Variants in ADAMTS2 observed in about 807,000 individuals in gnomAD.
ADAMTS2 encodes ADAM metallopeptidase with thrombospondin type 1 motif 2, also known as A disintegrin and metalloproteinase with thrombospondin motifs 2.
ADAMTS2 carries 50 observed loss-of-function variants against 123.0 expected under a neutral mutation model. The ratio of observed to expected loss-of-function variants is 0.41; its 90% CI spans 0.32 to 0.51. The LOEUF is 0.51. Ranked by LOEUF, ADAMTS2 falls within the 20% of genes least tolerant of loss-of-function variation. ADAMTS2 has a pLI of 0.35. For synonymous variants in ADAMTS2, 678 were observed against 695.4 expected, an observed-to-expected ratio of 0.98 and a Z score of 0.39; for missense variants, 1,494 against 1,705.2, an observed-to-expected ratio of 0.88 and a Z score of 2.18.
chr5:179,257,451 T>C (rs1183221755), intron 3 of ADAMTS2, among the ~76,000 whole-genome samples: 1 of 152,078 alleles, frequency 6.6e-6, no homozygotes, highest in African/African-American at 2.4e-5. Context: ...CGGGGGTCTG[T>C]CCGCCCAGCC....
intron 5 of ADAMTS2, among the ~76,000 whole-genome samples, chr5:179,179,185 G>C (rs983810664): frequency 6.6e-6 from 1 of 151,628 alleles, no homozygotes; most frequent in Admixed American, 6.6e-5. Context: ...GACCTCAAGT[G>C]ATCTACCCAC....
At chr5:179,154,316 G>A in intron 7 of ADAMTS2, 124 bp from the exon 8 acceptor site, 2 of 1,387,368 alleles carry the variant, frequency 1.4e-6, no homozygotes, top group East Asian at 2.5e-5. Flanking sequence ...GGCCCACTCT[G>A]AGCCGGGTGG....
chr5:179,334,067 T>C (rs1335038643), intron 2 of ADAMTS2, among the ~76,000 whole-genome samples: 6 of 151,976 alleles, frequency 3.9e-5, no homozygotes, highest in African/African-American at 4.8e-5. Context: ...AATGGAGGGA[T>C]TGCTCCAGAG....
intron 4 of ADAMTS2, among the ~76,000 whole-genome samples, chr5:179,187,325 CG>C (rs1764195323): frequency 2.0e-5 from 3 of 152,206 alleles, no homozygotes; most frequent in African/African-American, 7.2e-5. Context: ...TGAGTCTTCT[CG>C]GGCTGCCCTG....
chr5:179,169,601 G>T (rs573176992), intron 5 of ADAMTS2, among the ~76,000 whole-genome samples: 1 of 152,164 alleles, frequency 6.6e-6, no homozygotes, highest in African/African-American at 2.4e-5. Context: ...CTGGGGTGAG[G>T]CATGGGGTGT....
At position 179,128,054 on chromosome 5, in the gene ADAMTS2, A is replaced by G. The variant is rs1403760293; in HGVS notation, c.2522T>C (p.Leu841Pro). Residue 841 changes from leucine to proline, a missense_variant, in exon 17 of 22, where the codon CTG (leucine) becomes CCG (proline). By Grantham distance (98) the Leu-to-Pro change is moderately conservative. Around this residue, in one of 6 missense-constraint regions of ADAMTS2, gnomAD observed 953 missense variants for 1,124.7 expected, o/e 0.85. Transcript: ENST00000251582. This position sits in a 1 kb window ranked among gnomAD's most constrained non-coding sequence, Gnocchi z 4.9. The part of the protein sequence containing the change: ...TYKYMIHEDS[L>P]NVDDNNVLEE... ...CAGGACGTTGTTGTCGTCGACATTC[A>G]GTGAGTCCTCATGGATCATGTATTT... The G allele has an allele frequency of 6.2e-7, 1 of 1,614,038 alleles. No homozygotes were observed. The highest frequency in any genetic ancestry group is 1.7e-5 in the Admixed American group (1 of 60,020).
intron 2 of ADAMTS2, among the ~76,000 whole-genome samples, chr5:179,309,718 T>C (rs991739683): frequency 3.0e-5 from 4 of 135,114 alleles, no homozygotes; most frequent in Non-Finnish European, 6.1e-5. Context: ...GATCATGCCA[T>C]TGTACTCCAG....
chr5:179,332,448 C>T lies in ADAMTS2; in HGVS notation c.534+11319G>A, dbSNP rs1723903973. Among the ~76,000 whole-genome samples the T allele has an allele frequency of 6.6e-6, 1 of 152,208 alleles. No individual in the cohort carries two copies. The highest frequency in any genetic ancestry group is 1.5e-5 in the Non-Finnish European group (1 of 68,048). On this transcript the variant is annotated intron_variant, in intron 2 of 21. Transcript: ENST00000251582. This position sits in a 1 kb window ranked among gnomAD's most constrained non-coding sequence, Gnocchi z 4.2. ...ATATCAGGAACAAGGGGACTCAGAC[C>T]AAATCTGATAATAAAAGGTGTTTCT...
At chr5:179,114,364 T>C in intron 21 of ADAMTS2, 40 bp from the exon 22 acceptor site, 1 of 1,584,478 alleles carries the variant, frequency 6.3e-7, no homozygotes, top group Non-Finnish European at 8.6e-7. Context: ...AAGGACAAGA[T>C]AAGGGGGACT....
intron 2 of ADAMTS2, among the ~76,000 whole-genome samples, chr5:179,310,100 A>C (rs1473546643): frequency 6.6e-6 from 1 of 152,186 alleles, no homozygotes; most frequent in African/African-American, 2.4e-5. Context: ...CCTGTCACCC[A>C]GGACCCTCCA....
chr5:179,157,932 T>C (rs1224634571), intron 6 of ADAMTS2, among the ~76,000 whole-genome samples: 1 of 152,134 alleles, frequency 6.6e-6, no homozygotes, highest in East Asian at 1.9e-4. Flanking sequence ...TTTATCAGTT[T>C]TTTCCATTGA....
intron 21 of ADAMTS2, among the ~76,000 whole-genome samples, chr5:179,116,332 T>TA (rs1446423298): frequency 1.5e-5 from 2 of 132,744 alleles, no homozygotes; most frequent in African/African-American, 5.6e-5. Context: ...CCTCTGGCCT[T>TA]AGACTCCTTG....
In ADAMTS2 at chr5:179,132,940, C is replaced by T; in HGVS notation, c.2086-40G>A. On this transcript the variant is annotated intron_variant, in intron 13 of 21. Transcript: ENST00000251582. This position sits in a 1 kb window ranked among gnomAD's most constrained non-coding sequence, Gnocchi z 6.1. ...GGCAGTGAGCACTTGAGACGTCCTG[C>T]TAGTAGAGTCAGGGTCATACTATGT... The T allele has an allele frequency of 6.2e-7, 1 of 1,605,692 alleles. No homozygotes were observed. Among genetic ancestry groups the T allele is most frequent in the Non-Finnish European group, 8.5e-7 (1 of 1,176,488 alleles).
rs1420759009 is a variant in ADAMTS2 at position 179,162,868 on chromosome 5, C to G, written c.976-3989G>C. Among the ~76,000 whole-genome samples, 1 of 152,222 alleles carries G rather than the reference C, an allele frequency of 6.6e-6. No individual in the cohort carries two copies. Among genetic ancestry groups the G allele is most frequent in the Non-Finnish European group, 1.5e-5 (1 of 68,030 alleles). On this transcript the variant is annotated intron_variant, in intron 5 of 21. Transcript: ENST00000251582. This position sits in a 1 kb window ranked among gnomAD's most constrained non-coding sequence, Gnocchi z 5.1. ...GAGAATCTGAGCCACGTGCTTCCTC[C>G]TTTGGGGGACCACAGGGACCCCAGT...
rs1762985855 is a variant in ADAMTS2 at position 179,132,707 on chromosome 5, C to T, written c.2209+70G>A. ...CGGACAGCCCCAGGATGAGTCAGGC[C>T]CTCAGCTGTCCGGGCATGAGCCTGC... is the stretch of plus-strand genomic sequence containing the variant. On this transcript the variant is annotated intron_variant, in intron 14 of 21. Coordinates refer to ENST00000251582, the MANE Select transcript of ADAMTS2 (RefSeq NM_014244.5). This position sits in a 1 kb window ranked among gnomAD's most constrained non-coding sequence, Gnocchi z 6.1. The T allele has an allele frequency of 3.1e-6, 5 of 1,610,078 alleles. No individual in the cohort carries two copies. Among genetic ancestry groups the T allele is most frequent in the Non-Finnish European group, 4.2e-6 (5 of 1,177,236 alleles).
intron 5 of ADAMTS2, among the ~76,000 whole-genome samples, chr5:179,173,014 G>A (rs1763853815): frequency 6.6e-6 from 1 of 151,410 alleles, no homozygotes; most frequent in South Asian, 2.1e-4. Context: ...AGACCAGCCT[G>A]GGCAACAGAG....
chr5:179,215,589 T>TA (rs993013276), intron 3 of ADAMTS2, among the ~76,000 whole-genome samples: 3 of 151,938 alleles, frequency 2.0e-5, no homozygotes, highest in Admixed American at 6.6e-5. Flanking sequence ...TAAAGAAATT[T>TA]AAAAAAAATT....
chr5:179,249,834 C>T (rs1765879059), intron 3 of ADAMTS2, among the ~76,000 whole-genome samples: 1 of 152,102 alleles, frequency 6.6e-6, no homozygotes, highest in African/African-American at 2.4e-5. Context: ...GAATTAATAT[C>T]CATCTTTCTA....
chr5:179,132,104 G>A lies in ADAMTS2; in HGVS notation c.2290+126C>T. The A allele has an allele frequency of 1.1e-6, 1 of 906,474 alleles. No individual in the cohort carries two copies. The allele number at this position is 906,474 out of a possible 1,614,324, so 56.2% of individuals were successfully genotyped here. On this transcript the variant is annotated intron_variant, in intron 15 of 21. Transcript: ENST00000251582. This position sits in a 1 kb window ranked among gnomAD's most constrained non-coding sequence, Gnocchi z 6.1. ...TGAGCAGAGGGACAGGTTGGGGAGG[G>A]GCTGCCCTGGCTCAGGTCATGGCTG...
Sources: allele counts gnomAD v4.1 joint callset (sites outside exome capture counted in the v4.1 genomes callset), GRCh38; gene constraint gnomAD v4.1.1; regional missense constraint gnomAD v4.1.1; non-coding constraint Gnocchi (gnomAD v3.1); transcripts MANE v1.5; gene names NCBI Gene and HGNC (gene_info 2026-07-23, HGNC 2026-07-21).